Variants in PLCB4 observed in about 807,000 individuals in gnomAD.
PLCB4 encodes 1-phosphatidylinositol 4,5-bisphosphate phosphodiesterase beta-4.
In PLCB4, 77 loss-of-function variants were observed where a neutral mutation model predicts 178.8. The ratio of observed to expected loss-of-function variants is 0.43; its 90% CI spans 0.36 to 0.52. The LOEUF (loss-of-function observed/expected upper bound fraction) is 0.52. Among genes scored for constraint, PLCB4 ranks in the 20% least tolerant of loss-of-function variants. PLCB4 has a pLI of 0.00. For synonymous variants in PLCB4, 496 were observed against 490.8 expected (o/e 1.01, Z -0.14); for missense variants, 1,024 against 1,453.4 (o/e 0.70, Z 4.80).
intron 3 of PLCB4, among the ~76,000 whole-genome samples, chr20:9,263,278 G>A (rs1161213206): frequency 6.6e-6 from 1 of 152,094 alleles, no homozygotes; most frequent in Admixed American, 6.6e-5. Context: ...AGAAAATTGT[G>A]GGCTGGAGTT....
intron 3 of PLCB4, among the ~76,000 whole-genome samples, chr20:9,253,935 C>A (rs75974008): frequency 7.5e-4 from 114 of 152,302 alleles, no homozygotes; most frequent in African/African-American, 2.7e-3. Flanking sequence ...GAATCTTCAA[C>A]TGAGAAGGTG....
At chr20:9,466,841 TTTG>T (rs2043819842) in intron 35 of PLCB4, among the ~76,000 whole-genome samples, 1 of 152,220 alleles carries the variant, frequency 6.6e-6, no homozygotes, top group East Asian at 1.9e-4. Context: ...GGAGTGTAAA[TTTG>T]TTCAACGATT....
intron 2 of PLCB4, among the ~76,000 whole-genome samples, chr20:9,163,886 A>G (rs2092928507): frequency 6.6e-6 from 1 of 152,186 alleles, no homozygotes; most frequent in Non-Finnish European, 1.5e-5. Flanking sequence ...TAATAAATTG[A>G]AATAATAGAA....
chr20:9,110,246 G>A (rs1333116038), intron 2 of PLCB4, among the ~76,000 whole-genome samples: 1 of 151,582 alleles, frequency 6.6e-6, no homozygotes, highest in African/African-American at 2.4e-5. Context: ...AAGAAGAAAT[G>A]CCAAAAATAT....
intron 2 of PLCB4, among the ~76,000 whole-genome samples, chr20:9,170,725 G>T (rs2093050564): frequency 6.6e-6 from 1 of 152,114 alleles, no homozygotes; most frequent in South Asian, 2.1e-4. Flanking sequence ...TTTACCTTCA[G>T]GTACCTAACA....
chr20:9,307,194 A>G (rs1027314362), intron 3 of PLCB4, among the ~76,000 whole-genome samples: 1 of 152,094 alleles, frequency 6.6e-6, no homozygotes, highest in Non-Finnish European at 1.5e-5. Flanking sequence ...GGGACCCCCT[A>G]TGAGCTGGCT....
chr20:9,176,714 C>T (rs1389441367), intron 2 of PLCB4, among the ~76,000 whole-genome samples: 1 of 152,126 alleles, frequency 6.6e-6, no homozygotes, highest in Non-Finnish European at 1.5e-5. Context: ...ACACAAAACC[C>T]TTAAACTACA....
At chr20:9,355,932 AC>A (rs1008620043) in intron 7 of PLCB4, among the ~76,000 whole-genome samples, 1 of 151,984 alleles carries the variant, frequency 6.6e-6, no homozygotes, top group Non-Finnish European at 1.5e-5. Flanking sequence ...AAGTGTTCCC[AC>A]CCCTCCACAT....
chr20:9,442,378 G>GT (rs2042159954), intron 30 of PLCB4, among the ~76,000 whole-genome samples: 3 of 126,892 alleles, frequency 2.4e-5, no homozygotes, highest in Non-Finnish European at 3.3e-5. Flanking sequence ...TGTAGAGTGT[G>GT]GTTTTTTTTT....
chr20:9,103,781 T>C (rs1234468448), intron 2 of PLCB4, among the ~76,000 whole-genome samples: 1 of 152,220 alleles, frequency 6.6e-6, no homozygotes, highest in East Asian at 1.9e-4. Context: ...TAACTATTTC[T>C]ATCTAGTTAA....
chr20:9,454,401 A>G (rs565544801), intron 33 of PLCB4, among the ~76,000 whole-genome samples: 21 of 152,200 alleles, frequency 1.4e-4, no homozygotes, highest in African/African-American at 4.8e-4. Context: ...CATACATTCT[A>G]TTTATCTGAG....
chr20:9,199,478 T>C (rs529621548), intron 2 of PLCB4, among the ~76,000 whole-genome samples: 1 of 152,324 alleles, frequency 6.6e-6, no homozygotes, highest in Admixed American at 6.5e-5. Flanking sequence ...TTCCCATCAC[T>C]GATGGAATCC....
At chr20:9,210,664 C>T (rs2093663337) in intron 2 of PLCB4, among the ~76,000 whole-genome samples, 2 of 152,152 alleles carry the variant, frequency 1.3e-5, no homozygotes, top group South Asian at 4.2e-4. Flanking sequence ...TGTAGTCTCT[C>T]ATTTTTTAAT....
rs866488779 is a variant in PLCB4, at chr20:9,480,020, A to G, written c.*1011A>G. 53 of 152,704 alleles carry G rather than the reference A, an allele frequency of 3.5e-4. No homozygotes were observed. Among genetic ancestry groups the G allele is most frequent in the East Asian group, 5.8e-4 (3 of 5,186 alleles). 9.5% of individuals were successfully genotyped at this position (152,704 alleles called of 1,614,324 possible). On this transcript the variant is annotated 3_prime_UTR_variant, in exon 40 of 40. Transcript: ENST00000378473. ...TGAAAAACCCTCTCTCTATATATAT[A>G]TGTGTATATGAATTATGTGGGCATT...
At chr20:9,302,534 A>G (rs1342072839) in intron 3 of PLCB4, among the ~76,000 whole-genome samples, 1 of 152,122 alleles carries the variant, frequency 6.6e-6, no homozygotes, top group East Asian at 1.9e-4. Context: ...CAAATTGGGA[A>G]CACTCAGGAT....
At chr20:9,164,518 C>CTGTTG (rs1280506874) in intron 2 of PLCB4, among the ~76,000 whole-genome samples, 1 of 151,986 alleles carries the variant, frequency 6.6e-6, no homozygotes, top group Non-Finnish European at 1.5e-5. Context: ...AGTTATGATT[C>CTGTTG]TGTTGACTGA....
intron 7 of PLCB4, among the ~76,000 whole-genome samples, chr20:9,354,713 T>C (rs73246633): frequency 0.061 from 9,338 of 152,234 alleles, 916 homozygotes; most frequent in African/African-American, 0.21. Context: ...GTACAAGCCC[T>C]GGTATCCTTG....
chr20:9,431,366 C>G (rs1003803627), intron 28 of PLCB4, among the ~76,000 whole-genome samples: 6 of 152,052 alleles, frequency 3.9e-5, no homozygotes, highest in African/African-American at 4.8e-5. Context: ...AAGCAAAGAC[C>G]CTGTTTATAA....
chr20:9,098,182 A>T (rs1204605608), intron 2 of PLCB4, among the ~76,000 whole-genome samples: 1 of 152,210 alleles, frequency 6.6e-6, no homozygotes, highest in Non-Finnish European at 1.5e-5. Flanking sequence ...ACATGAGTTA[A>T]TCAAAGACAG....
Sources: gnomAD v4.1 joint callset for allele counts (sites outside exome capture counted in the v4.1 genomes callset) on GRCh38, gnomAD v4.1.1 for gene constraint, MANE v1.5 for transcripts, NCBI Gene and HGNC (gene_info 2026-07-23, HGNC 2026-07-21) for gene names.